SESTD1: variants seen among roughly 807,000 people sequenced by gnomAD.
SESTD1 encodes the protein SEC14 and spectrin domain containing 1, also known as SEC14 domain and spectrin repeat-containing protein 1.
Under a neutral mutation model 101.7 loss-of-function variants are expected in SESTD1, and 43 were observed. The observed-to-expected ratio is 0.42, with a 90% CI of 0.33 to 0.55. SESTD1 has a LOEUF of 0.55. SESTD1 is among the 20% of genes least tolerant of loss of function. SESTD1 has a pLI of 0.07. For synonymous variants in SESTD1, 283 were observed against 286.8 expected (o/e 0.99, Z 0.13); for missense variants, 647 against 815.1 (o/e 0.79, Z 2.51).
intron 1 of SESTD1, among the ~76,000 whole-genome samples, chr2:179,222,850 G>T (rs893769538): frequency 3.9e-5 from 6 of 152,120 alleles, no homozygotes; most frequent in Non-Finnish European, 8.8e-5. Flanking sequence ...CTGCAACTCT[G>T]TCCAGTGCTT....
Position 179,109,984 on chromosome 2 carries a change from G to C in SESTD1, c.2006C>G (p.Ala669Gly), listed in dbSNP as rs2044469855. The change falls in exon 18 of 18, where the codon GCA becomes GGA. Residue 669 changes from alanine (A) to glycine (G), a missense_variant. This residue lies in a region of SESTD1 where 476 missense variants were observed against 562.6 expected (regional missense o/e 0.85). Transcript: ENST00000428443. ...FGSPSDMAST[A>G]ENIRDRMKLV... ...TTTCATCCTGTCTCTGATGTTTTCT[G>C]CAGTAGAAGCCATGTCACTTGGACT... 4 of 1,613,784 alleles carry C rather than the reference G, an allele frequency of 2.5e-6. No individual in the cohort carries two copies. Among genetic ancestry groups the C allele is most frequent in the African/African-American group, 2.7e-5 (2 of 74,994 alleles).
chr2:179,118,251 T>TA (rs1266164577), intron 13 of SESTD1, among the ~76,000 whole-genome samples: 2 of 152,104 alleles, frequency 1.3e-5, no homozygotes, highest in Non-Finnish European at 2.9e-5. Flanking sequence ...ATGGAGGGCT[T>TA]AAAAAAACAA....
intron 1 of SESTD1, among the ~76,000 whole-genome samples, chr2:179,243,859 A>G (rs541177027): frequency 6.6e-6 from 1 of 151,856 alleles, no homozygotes; most frequent in East Asian, 1.9e-4. Flanking sequence ...AGCATCATGC[A>G]CTACACCCAT....
chr2:179,182,920 T>A (rs1304530130), intron 3 of SESTD1, among the ~76,000 whole-genome samples, 160 bp downstream of exon 3: 1 of 152,182 alleles, frequency 6.6e-6, no homozygotes, highest in Non-Finnish European at 1.5e-5. Flanking sequence ...GCATTTTATC[T>A]GCAATGATGT....
intron 1 of SESTD1, among the ~76,000 whole-genome samples, chr2:179,253,807 A>G (rs945917470): frequency 6.6e-6 from 1 of 152,188 alleles, no homozygotes; most frequent in Non-Finnish European, 1.5e-5. Context: ...TACACCTTTT[A>G]AATTTTGAGG....
intron 8 of SESTD1, among the ~76,000 whole-genome samples, chr2:179,145,104 A>G (rs2045365214): frequency 1.3e-5 from 2 of 152,150 alleles, no homozygotes; most frequent in South Asian, 4.1e-4. Context: ...TATTTATTAC[A>G]TTTTATAATT....
At chr2:179,181,322 C>A (rs1397852812) in intron 3 of SESTD1, among the ~76,000 whole-genome samples, 2 of 152,086 alleles carry the variant, frequency 1.3e-5, no homozygotes, top group Non-Finnish European at 2.9e-5. Flanking sequence ...CCAGTATACA[C>A]AAACATGCAT....
chr2:179,185,731 T>TACA (rs1203242506), intron 2 of SESTD1, among the ~76,000 whole-genome samples: 2,672 of 103,212 alleles, frequency 0.026, 57 homozygotes, highest in Non-Finnish European at 0.037. Context: ...GCATATTATA[T>TACA]ATAATATAAT....
intron 1 of SESTD1, among the ~76,000 whole-genome samples, chr2:179,247,540 A>G (rs567481172): frequency 6.6e-6 from 1 of 152,146 alleles, no homozygotes; most frequent in Middle Eastern, 3.4e-3. Flanking sequence ...TCCCTCCCAC[A>G]TCAGCTCCTA....
rs2044312166 is a variant in SESTD1, at chr2:179,103,342, A to G, written c.*6557T>C. On this transcript the variant is annotated 3_prime_UTR_variant, in exon 18 of 18. Coordinates refer to ENST00000428443, the MANE Select transcript of SESTD1 (RefSeq NM_178123.5). ...TAGTTTACACCTTTATGCACATCAA[A>G]ATACAAAATACAGGGCACAATAAAA... is the stretch of plus-strand genomic sequence containing the variant. 6.6e-6 allele frequency: 1 copy of G among 152,142 alleles called. No individual in the cohort carries two copies. The highest frequency in any genetic ancestry group is 2.1e-4 in the South Asian group (1 of 4,828). The allele number at this position is 152,142 out of a possible 1,614,324, so 9.4% of individuals were successfully genotyped here.
At chr2:179,216,577 A>G (rs555409854) in intron 1 of SESTD1, among the ~76,000 whole-genome samples, 1 of 135,492 alleles carries the variant, frequency 7.4e-6, no homozygotes, top group South Asian at 2.8e-4. Context: ...TATAGATTCA[A>G]TGCCATCCCC....
intron 1 of SESTD1, among the ~76,000 whole-genome samples, chr2:179,196,907 T>A (rs559213834): frequency 7.2e-5 from 11 of 152,276 alleles, no homozygotes; most frequent in Admixed American, 6.5e-4. Flanking sequence ...GCGCCTCTCC[T>A]CCTCCAAAGG....
intron 4 of SESTD1, among the ~76,000 whole-genome samples, chr2:179,172,653 GT>G (rs1413210305): frequency 6.6e-6 from 1 of 152,110 alleles, no homozygotes; most frequent in Non-Finnish European, 1.5e-5. Flanking sequence ...ACTAAAATAA[GT>G]TTTTTATCAG....
intron 1 of SESTD1, among the ~76,000 whole-genome samples, chr2:179,201,098 A>G (rs1322900799): frequency 7.4e-6 from 1 of 134,758 alleles, no homozygotes; most frequent in Non-Finnish European, 1.6e-5. Context: ...CAACCCCATC[A>G]AAAAGTGGGC....
chr2:179,244,343 T>C (rs1245705093), intron 1 of SESTD1, among the ~76,000 whole-genome samples: 1 of 151,616 alleles, frequency 6.6e-6, no homozygotes, highest in Non-Finnish European at 1.5e-5. Flanking sequence ...CCTGTAGTCC[T>C]AGCTACTCGG....
intron 5 of SESTD1, among the ~76,000 whole-genome samples, chr2:179,161,809 T>C (rs1470880446): frequency 2.6e-5 from 4 of 152,224 alleles, no homozygotes; most frequent in South Asian, 2.1e-4. Context: ...AGCAACTATA[T>C]ATGAGAAAAA....
chr2:179,262,425 C>T (rs979561455), intron 1 of SESTD1, among the ~76,000 whole-genome samples: 4 of 152,082 alleles, frequency 2.6e-5, no homozygotes, highest in African/African-American at 9.7e-5. Context: ...CAAAGTCTGG[C>T]TGTCACCCAG....
intron 1 of SESTD1, among the ~76,000 whole-genome samples, chr2:179,200,680 A>C (rs10187930): frequency 0.23 from 30,660 of 130,832 alleles, 4,337 homozygotes; most frequent in South Asian, 0.35. Context: ...GAAATGATTC[A>C]CTATTTAATA....
chr2:179,125,972 T>C (rs746094268), intron 10 of SESTD1, among the ~76,000 whole-genome samples: 73 of 152,342 alleles, frequency 4.8e-4, no homozygotes, highest in South Asian at 1.0e-3. Flanking sequence ...CCTATCTCTG[T>C]TGCCTACACA....
Sources: gnomAD v4.1 joint callset for allele counts (sites outside exome capture counted in the v4.1 genomes callset) on GRCh38, gnomAD v4.1.1 for gene constraint, gnomAD v4.1.1 regional missense constraint, MANE v1.5 for transcripts, NCBI Gene and HGNC (gene_info 2026-07-23, HGNC 2026-07-21) for gene names.